The following LINGO1 variants were observed in gnomAD, a reference collection of about 807,000 sequenced individuals.
The protein encoded by LINGO1 is leucine rich repeat and Ig domain containing 1.
Under a neutral mutation model 37.3 loss-of-function variants are expected in LINGO1, and 11 were observed. The observed-to-expected ratio is 0.29, with a 90% CI of 0.19 to 0.49. The LOEUF (loss-of-function observed/expected upper bound fraction) is 0.49. LINGO1 is among the 20% of genes least tolerant of loss of function. The pLI is 0.99. For missense variants in LINGO1, 585 were observed against 878.2 expected, an observed-to-expected ratio of 0.67 and a Z score of 4.22; for synonymous variants, 387 against 403.0, an observed-to-expected ratio of 0.96 and a Z score of 0.48.
intron 3 of LINGO1, among the ~76,000 whole-genome samples, chr15:77,651,140 G>C (rs865943005): frequency 2.0e-5 from 3 of 152,308 alleles, no homozygotes; most frequent in Middle Eastern, 3.4e-3. Context: ...GCATTGGAGG[G>C]AAGAGAGAGT....
upstream of LINGO1, chr15:77,788,664 A>T (rs1280012107): frequency 6.6e-6 from 1 of 152,256 alleles, no homozygotes; most frequent in Non-Finnish European, 1.5e-5. Context: ...GAATACATGA[A>T]AAAAGAACAA....
At chr15:77,818,877 G>A (rs2077070869) in intron 1 of LINGO1, among the ~76,000 whole-genome samples, 1 of 151,770 alleles carries the variant, frequency 6.6e-6, no homozygotes, top group African/African-American at 2.4e-5. Flanking sequence ...CCGCCAGACG[G>A]CCCGGCCCGC....
intron 3 of LINGO1, among the ~76,000 whole-genome samples, chr15:77,645,728 G>T (rs1044149510): frequency 6.6e-6 from 1 of 152,220 alleles, no homozygotes; most frequent in Admixed American, 6.5e-5. Context: ...CTCCAGACCC[G>T]CTTTAGAAGA....
At chr15:77,720,581 A>C (rs2141311812) in intron 2 of LINGO1, 1 of 152,394 alleles carries the variant, frequency 6.6e-6, no homozygotes, top group East Asian at 1.9e-4. Flanking sequence ...CATTTTAATT[A>C]ACATAATTAT....
chr15:77,682,149 G>T (rs2075426014), intron 2 of LINGO1, among the ~76,000 whole-genome samples: 1 of 149,118 alleles, frequency 6.7e-6, no homozygotes, highest in Non-Finnish European at 1.5e-5. Flanking sequence ...GTCTGTGGGT[G>T]GTCAGATCTA....
At chr15:77,817,686 G>A (rs1285958819) in intron 1 of LINGO1, among the ~76,000 whole-genome samples, 1 of 152,204 alleles carries the variant, frequency 6.6e-6, no homozygotes, top group East Asian at 1.9e-4. Flanking sequence ...CACGCAGCAG[G>A]AGCCCGCCTG....
At chr15:77,792,427 C>A (rs2076825570) in intron 2 of LINGO1, among the ~76,000 whole-genome samples, 1 of 152,232 alleles carries the variant, frequency 6.6e-6, no homozygotes, top group African/African-American at 2.4e-5. Context: ...CCTGGCCCTG[C>A]ATGCCTCGTT....
At chr15:77,664,417 T>C (rs1393041729) in intron 3 of LINGO1, among the ~76,000 whole-genome samples, 1 of 151,854 alleles carries the variant, frequency 6.6e-6, no homozygotes, top group Non-Finnish European at 1.5e-5. Context: ...TGTGGATGGT[T>C]GGGGGGTCAT....
chr15:77,754,736 G>A (rs1369713854), intron 1 of LINGO1, among the ~76,000 whole-genome samples: 1 of 152,198 alleles, frequency 6.6e-6, no homozygotes, highest in Non-Finnish European at 1.5e-5. Context: ...AGAAGTCAGG[G>A]CTGCCCTTTG....
intron 2 of LINGO1, among the ~76,000 whole-genome samples, chr15:77,707,004 G>A (rs1244895565): frequency 6.6e-6 from 1 of 152,224 alleles, no homozygotes; most frequent in African/African-American, 2.4e-5. Context: ...GATGCCACAC[G>A]GATTCCCTGT....
chr15:77,722,265 G>A (rs552503229), intron 2 of LINGO1, among the ~76,000 whole-genome samples: 102 of 152,330 alleles, frequency 6.7e-4, no homozygotes, highest in African/African-American at 1.9e-3. Flanking sequence ...TAACCTGGCT[G>A]AGCCTCTGGG....
chr15:77,810,770 G>A (rs1030447145), intron 1 of LINGO1, among the ~76,000 whole-genome samples: 11 of 152,286 alleles, frequency 7.2e-5, no homozygotes, highest in East Asian at 1.9e-4. Flanking sequence ...GGAGAGTACT[G>A]GGGGAGGAAT....
At chr15:77,663,652 A>G (rs1936989916) in intron 3 of LINGO1, among the ~76,000 whole-genome samples, 1 of 152,168 alleles carries the variant, frequency 6.6e-6, no homozygotes, top group Admixed American at 6.5e-5. Flanking sequence ...TCCCACCAGT[A>G]GGGGTCCTTC....
At chr15:77,678,555 C>T (rs1429705093) in intron 2 of LINGO1, among the ~76,000 whole-genome samples, 1 of 152,192 alleles carries the variant, frequency 6.6e-6, no homozygotes, top group East Asian at 1.9e-4. Flanking sequence ...GTTGTTTATC[C>T]ATTCAGCAGT....
intron 1 of LINGO1, among the ~76,000 whole-genome samples, chr15:77,784,070 A>G (rs1331347566): frequency 1.3e-5 from 2 of 152,216 alleles, no homozygotes; most frequent in Non-Finnish European, 2.9e-5. Flanking sequence ...GCAGCTGCCC[A>G]AGCCTGGGAC....
intron 1 of LINGO1, among the ~76,000 whole-genome samples, chr15:77,753,636 C>T (rs764018091): frequency 6.6e-6 from 1 of 152,218 alleles, no homozygotes; most frequent in Non-Finnish European, 1.5e-5. Context: ...CGCTTGCTCA[C>T]TCAGTCTGGT....
intron 2 of LINGO1, among the ~76,000 whole-genome samples, chr15:77,714,016 C>T (rs749624602): frequency 2.0e-5 from 3 of 152,110 alleles, no homozygotes; most frequent in Non-Finnish European, 4.4e-5. Flanking sequence ...CTGCTGGTTC[C>T]CACGTCCCCA....
At chr15:77,776,240 C>T (rs901770754) in intron 1 of LINGO1, among the ~76,000 whole-genome samples, 5 of 152,052 alleles carry the variant, frequency 3.3e-5, no homozygotes, top group South Asian at 2.1e-4. Flanking sequence ...TTGCTGTTCC[C>T]GAGGTCATCA....
chr15:77,749,128 G>A (rs1028001348), intron 1 of LINGO1, among the ~76,000 whole-genome samples: 5 of 151,800 alleles, frequency 3.3e-5, no homozygotes, highest in African/African-American at 9.7e-5. Flanking sequence ...GGCTGGTCTC[G>A]AACTTCTGAC....
Sources: gnomAD v4.1 joint callset for allele counts (sites outside exome capture counted in the v4.1 genomes callset) on GRCh38, gnomAD v4.1.1 for gene constraint, MANE v1.5 for transcripts, NCBI Gene and HGNC (gene_info 2026-07-23, HGNC 2026-07-21) for gene names.